Variants in MKNK1 observed in about 807,000 individuals in gnomAD.
MKNK1 encodes MAPK interacting serine/threonine kinase 1.
MKNK1 carries 30 observed loss-of-function variants against 49.3 expected under a neutral mutation model. The observed-to-expected ratio is 0.61, with a 90% confidence interval of 0.46 to 0.83. The LOEUF (loss-of-function observed/expected upper bound fraction) is 0.83. Ranked by LOEUF, MKNK1 falls within the 40% of genes least tolerant of loss-of-function variation. The pLI, the probability that MKNK1 is intolerant of heterozygous loss-of-function variation, is 0.00. For synonymous variants in MKNK1, 176 were observed against 201.7 expected (o/e 0.87, Z 1.08); for missense variants, 423 against 524.7 (o/e 0.81, Z 1.89).
At chr1:46,596,606 AGCCT>A (rs1235448223) in intron 1 of MKNK1, among the ~76,000 whole-genome samples, 3 of 152,238 alleles carry the variant, frequency 2.0e-5, no homozygotes, top group African/African-American at 4.8e-5. Context: ...CCAGCCGGGT[AGCCT>A]TGGACATAAA....
In MKNK1 at chr1:46,575,283, C is replaced by T. The variant is rs1670786537; in HGVS notation, c.279-263G>A. 6 of 374,616 alleles carry T rather than the reference C, an allele frequency of 1.6e-5. No individual in the cohort carries two copies. In the South Asian group the frequency reaches 2.7e-4, roughly 17 times the overall value. 23.2% of individuals were successfully genotyped at this position (374,616 alleles called of 1,614,324 possible). ...GCTGTCAAACCCCAGCCCTAAAACC[C>T]ACTAGGTAGAGTTATAAAAAAGTCC... On this transcript the variant is annotated intron_variant, in intron 5 of 12. Transcript: ENST00000371945.
chr1:46,583,699 G>C (rs1232768328), intron 2 of MKNK1, among the ~76,000 whole-genome samples: 2 of 152,160 alleles, frequency 1.3e-5, no homozygotes, highest in Admixed American at 1.3e-4. Context: ...TCCAGCCTCA[G>C]CATCAGAAAG....
chr1:46,593,040 T>A (rs1471415451), intron 2 of MKNK1, among the ~76,000 whole-genome samples: 1 of 151,802 alleles, frequency 6.6e-6, no homozygotes, highest in Non-Finnish European at 1.5e-5. Flanking sequence ...CTAAAACCAC[T>A]CTCACTCAGC....
intron 1 of MKNK1, among the ~76,000 whole-genome samples, chr1:46,598,325 G>A (rs1015324590): frequency 4.6e-5 from 7 of 152,200 alleles, no homozygotes; most frequent in African/African-American, 1.4e-4. Flanking sequence ...ACACAAGTCA[G>A]GTAAGATTTT....
At chr1:46,587,317 G>A (rs1048224327) in intron 2 of MKNK1, among the ~76,000 whole-genome samples, 1 of 152,212 alleles carries the variant, frequency 6.6e-6, no homozygotes, top group Non-Finnish European at 1.5e-5. Flanking sequence ...ATTAGTGGAG[G>A]TGGAAGTGGA....
intron 2 of MKNK1, among the ~76,000 whole-genome samples, chr1:46,584,190 C>G (rs1311164063): frequency 6.6e-6 from 1 of 152,220 alleles, no homozygotes; most frequent in African/African-American, 2.4e-5. Flanking sequence ...AAAGGAGGAA[C>G]AGTGAACCAG....
At chr1:46,588,553 A>G (rs979498489) in intron 2 of MKNK1, among the ~76,000 whole-genome samples, 24 of 152,278 alleles carry the variant, frequency 1.6e-4, no homozygotes, top group Admixed American at 1.1e-3. Context: ...CACGCCTGTA[A>G]TCCCAGCACT....
At chr1:46,565,188 AGAG>A in intron 8 of MKNK1, 52 bp from the exon 9 acceptor site, 1 of 1,546,212 alleles carries the variant, frequency 6.5e-7, no homozygotes, top group Non-Finnish European at 8.9e-7. Context: ...CTACGGGGCA[AGAG>A]GAGCCAGGCA....
At chr1:46,595,537 T>C (rs1418475586) in intron 1 of MKNK1, among the ~76,000 whole-genome samples, 1 of 152,184 alleles carries the variant, frequency 6.6e-6, no homozygotes, top group African/African-American at 2.4e-5. Flanking sequence ...TAACATAGTA[T>C]CTGGCAAAAA....
chr1:46,572,845 T>C (rs1670401543), intron 6 of MKNK1, among the ~76,000 whole-genome samples: 1 of 152,198 alleles, frequency 6.6e-6, no homozygotes, highest in Non-Finnish European at 1.5e-5. Context: ...TTTTCTCCCC[T>C]GCATCTGATC....
At position 46,585,858 on chromosome 1, in the gene MKNK1, C is replaced by G. The variant is rs1403503663; in HGVS notation, c.-2-2529G>C. On this transcript the variant is annotated intron_variant, in intron 2 of 12. Transcript: ENST00000371945. ...ATTAGATTTTATGGCTTCACACACA[C>G]ACAAAGACAGAGTACCTGGTATATT... is the stretch of plus-strand genomic sequence containing the variant. 8.6e-6 allele frequency: 11 copies of G among 1,277,276 alleles called. No homozygotes were observed. The East Asian group carries it at 4.6e-4, about 54-fold the overall frequency. 79.1% of individuals were successfully genotyped at this position (1,277,276 alleles called of 1,614,324 possible).
rs1670784185 is a variant in MKNK1 at position 46,575,270 on chromosome 1, C to T, written c.279-250G>A. 7.1e-6 allele frequency: 3 copies of T among 419,624 alleles called. No homozygotes were observed. In the South Asian group the frequency reaches 1.1e-4, roughly 15 times the overall value. The allele number at this position is 419,624 out of a possible 1,614,324, so 26.0% of individuals were successfully genotyped here. ...TCACCAAGTCTGTGCTGTCAAACCC[C>T]AGCCCTAAAACCCACTAGGTAGAGT... is the stretch of plus-strand genomic sequence containing the variant. On this transcript the variant is annotated intron_variant, in intron 5 of 12. Coordinates refer to ENST00000371945, the MANE Select transcript of MKNK1 (RefSeq NM_001135553.4).
chr1:46,560,353 T>TG (rs1667730627), intron 11 of MKNK1, 76 bp from the exon 12 acceptor site: 3 of 1,499,968 alleles, frequency 2.0e-6, no homozygotes, highest in Admixed American at 1.7e-5. Context: ...AAGCCAGCAG[T>TG]GGGTAGGTTA....
At chr1:46,586,325 G>A in intron 2 of MKNK1, 1 of 235,254 alleles carries the variant, frequency 4.3e-6, no homozygotes, top group East Asian at 9.4e-5. Flanking sequence ...CTCCAGATGA[G>A]TTAAGGTTTC....
chr1:46,572,447 C>G, intron 6 of MKNK1: 6 of 249,544 alleles, frequency 2.4e-5, no homozygotes, highest in Non-Finnish European at 4.1e-5. Context: ...CTCGAACTCC[C>G]GACCAAGTGA....
At chr1:46,561,703 A>T in intron 10 of MKNK1, 61 bp from the exon 11 acceptor site, 1 of 1,572,804 alleles carries the variant, frequency 6.4e-7, no homozygotes, top group Non-Finnish European at 8.7e-7. Context: ...TGTGCCTGTC[A>T]TTGTTTTGAT....
At chr1:46,600,978 A>T (rs1674662399) in intron 1 of MKNK1, among the ~76,000 whole-genome samples, 1 of 151,602 alleles carries the variant, frequency 6.6e-6, no homozygotes, top group South Asian at 2.1e-4. Flanking sequence ...GTGCAATGGC[A>T]CAATTTCAGC....
At chr1:46,568,378 C>T (rs939425196) in intron 8 of MKNK1, 65 bp downstream of exon 8, 3 of 1,529,880 alleles carry the variant, frequency 2.0e-6, no homozygotes, top group African/African-American at 1.4e-5. Flanking sequence ...ACAATCCATC[C>T]TGAAAGCAAG....
intron 4 of MKNK1, among the ~76,000 whole-genome samples, chr1:46,579,055 A>G (rs549303349): frequency 6.6e-6 from 1 of 152,166 alleles, no homozygotes; most frequent in East Asian, 1.9e-4. Context: ...GCCTGGCCTA[A>G]TTTTTCTATT....
Sources: gnomAD v4.1 joint callset for allele counts (sites outside exome capture counted in the v4.1 genomes callset) on GRCh38, gnomAD v4.1.1 for gene constraint, MANE v1.5 for transcripts, NCBI Gene and HGNC (gene_info 2026-07-23, HGNC 2026-07-21) for gene names.